Variants in NSRP1 observed in about 807,000 individuals in gnomAD.
NSRP1 encodes the protein nuclear speckle splicing regulatory protein 1.
In NSRP1, 24 loss-of-function variants were observed where a neutral mutation model predicts 54.7. The observed-to-expected ratio is 0.44, with a 90% CI of 0.32 to 0.62. The LOEUF is 0.62. NSRP1 is among the 20% of genes least tolerant of loss of function. NSRP1 has a pLI of 0.06. For missense variants in NSRP1, 596 were observed against 651.2 expected (o/e 0.92, Z 0.92); for synonymous variants, 210 against 213.8 (o/e 0.98, Z 0.15).
chr17:30,136,129 C>T (rs940061198), intron 2 of NSRP1, among the ~76,000 whole-genome samples: 1 of 152,062 alleles, frequency 6.6e-6, no homozygotes, highest in Non-Finnish European at 1.5e-5. Context: ...AGGAGAATTG[C>T]TTGAAACTGG....
chr17:30,185,393 T>C lies in NSRP1; in HGVS notation c.1396T>C (p.Phe466Leu), dbSNP rs1356541985. 6 of 1,611,860 alleles carry C rather than the reference T, an allele frequency of 3.7e-6. No individual in the cohort carries two copies. Among genetic ancestry groups the C allele is most frequent in the Non-Finnish European group, 5.1e-6 (6 of 1,179,554 alleles). ...CCCAAATTCTAGGGCAAAGGATAAA[T>C]TTCTTGACCAAGAAAGATCCAACAA... is the stretch of plus-strand genomic sequence containing the variant. ...SSPNSRAKDK[F>L]LDQERSNKMR... Residue 466 changes from phenylalanine to leucine, a missense_variant, in exon 7 of 7, where the codon TTT becomes CTT. Physicochemically the swap from Phe to Leu is conservative, Grantham distance 22. Coordinates refer to ENST00000247026, the MANE Select transcript of NSRP1 (RefSeq NM_032141.4).
At chr17:30,120,374 A>G (rs2071586039) in intron 2 of NSRP1, among the ~76,000 whole-genome samples, 3 of 152,194 alleles carry the variant, frequency 2.0e-5, no homozygotes, top group Admixed American at 2.0e-4. Context: ...GCCAACTAGA[A>G]TATTTTCAAA....
intron 3 of NSRP1, among the ~76,000 whole-genome samples, chr17:30,173,962 T>C (rs958945171): frequency 3.9e-5 from 6 of 152,238 alleles, no homozygotes; most frequent in African/African-American, 1.4e-4. Context: ...AATGATTTAA[T>C]ATACACATAA....
At chr17:30,138,431 A>G (rs1042253745) in intron 2 of NSRP1, among the ~76,000 whole-genome samples, 1 of 152,172 alleles carries the variant, frequency 6.6e-6, no homozygotes, top group African/African-American at 2.4e-5. Context: ...ATAAAATGGC[A>G]TAGTATTTGC....
chr17:30,153,031 AC>A (rs2071928587), intron 2 of NSRP1, among the ~76,000 whole-genome samples: 1 of 146,108 alleles, frequency 6.8e-6, no homozygotes, highest in South Asian at 2.1e-4. Flanking sequence ...CTCATGCCTC[AC>A]CTCTCCTCAG....
chr17:30,148,776 A>G (rs2071879909), intron 2 of NSRP1, among the ~76,000 whole-genome samples: 1 of 152,180 alleles, frequency 6.6e-6, no homozygotes, highest in Non-Finnish European at 1.5e-5. Context: ...TGGAATATGT[A>G]TCTGTTCTGC....
chr17:30,172,829 G>A (rs1047035981), intron 3 of NSRP1, among the ~76,000 whole-genome samples: 7 of 151,530 alleles, frequency 4.6e-5, no homozygotes, highest in African/African-American at 1.5e-4. Flanking sequence ...ATTCTTGCTA[G>A]TGAGCTTACT....
At chr17:30,131,681 C>G (rs1170577870) in intron 2 of NSRP1, among the ~76,000 whole-genome samples, 1 of 152,036 alleles carries the variant, frequency 6.6e-6, no homozygotes, top group East Asian at 1.9e-4. Flanking sequence ...GCTGACTGAT[C>G]AGGTGATGTT....
intron 2 of NSRP1, among the ~76,000 whole-genome samples, chr17:30,168,471 A>G (rs1200775234): frequency 6.6e-6 from 1 of 151,618 alleles, no homozygotes; most frequent in Non-Finnish European, 1.5e-5. Flanking sequence ...ATAGGCCACA[A>G]TACATGTGCC....
intron 2 of NSRP1, among the ~76,000 whole-genome samples, chr17:30,132,360 C>A (rs2071708416): frequency 6.6e-6 from 1 of 151,848 alleles, no homozygotes; most frequent in Non-Finnish European, 1.5e-5. Flanking sequence ...CAAGACCAGC[C>A]TGGCCAACAT....
chr17:30,162,325 C>G (rs1460812868), intron 2 of NSRP1, among the ~76,000 whole-genome samples: 2 of 152,158 alleles, frequency 1.3e-5, no homozygotes, highest in East Asian at 3.8e-4. Context: ...CCACTGCGCC[C>G]AGCCAGCCAT....
At chr17:30,164,348 C>G (rs547001927) in intron 2 of NSRP1, among the ~76,000 whole-genome samples, 8 of 152,294 alleles carry the variant, frequency 5.3e-5, no homozygotes, top group African/African-American at 1.9e-4. Context: ...AAGAACCTAT[C>G]TTGAAATATT....
chr17:30,185,789 T>A lies in NSRP1; in HGVS notation c.*115T>A. On this transcript the variant is annotated 3_prime_UTR_variant, in exon 7 of 7. Transcript: ENST00000247026. ...GTAGTTTGGAGGGCATTTTTAAATT[T>A]ATTTTCAAAATTTTAAGTTAAAAGT... The A allele has an allele frequency of 8.2e-7, 1 of 1,224,450 alleles. No homozygotes were observed. Among genetic ancestry groups the A allele is most frequent in the Non-Finnish European group, 1.1e-6 (1 of 894,288 alleles). 75.8% of individuals were successfully genotyped at this position (1,224,450 alleles called of 1,614,324 possible). A position where few individuals can be genotyped will look rare whatever the true frequency, so the allele number is the denominator to read the frequency against.
chr17:30,168,994 A>G (rs987288371), intron 2 of NSRP1: 3 of 152,064 alleles, frequency 2.0e-5, no homozygotes, highest in Non-Finnish European at 4.4e-5. Flanking sequence ...AGAATATGTA[A>G]AACTATTGCA....
At chr17:30,183,991 C>T (rs1251235043) in intron 6 of NSRP1, among the ~76,000 whole-genome samples, 10 of 152,178 alleles carry the variant, frequency 6.6e-5, no homozygotes, top group Admixed American at 6.5e-4. Flanking sequence ...CACCTGAGGT[C>T]AAGAGTTTGA....
chr17:30,156,024 G>A (rs1054966411), intron 2 of NSRP1, among the ~76,000 whole-genome samples: 6 of 151,920 alleles, frequency 3.9e-5, no homozygotes, highest in Middle Eastern at 3.4e-3. Context: ...ACTTTTAGTA[G>A]AGACAGGGTT....
intron 2 of NSRP1, among the ~76,000 whole-genome samples, chr17:30,128,473 G>C (rs921983300): frequency 6.6e-6 from 1 of 151,990 alleles, no homozygotes; most frequent in African/African-American, 2.4e-5. Flanking sequence ...AATTGCACTC[G>C]AATTTTTGTT....
intron 2 of NSRP1, among the ~76,000 whole-genome samples, chr17:30,159,826 T>C (rs1324067882): frequency 6.6e-6 from 1 of 151,906 alleles, no homozygotes; most frequent in East Asian, 1.9e-4. Context: ...GTCTGGCTAA[T>C]GTTTTTTGTA....
intron 2 of NSRP1, among the ~76,000 whole-genome samples, chr17:30,129,685 C>G (rs1490014428): frequency 6.6e-6 from 1 of 152,080 alleles, no homozygotes; most frequent in East Asian, 1.9e-4. Flanking sequence ...TATAGTACAT[C>G]CAAATCAATA....
Sources: gnomAD v4.1 joint callset for allele counts (sites outside exome capture counted in the v4.1 genomes callset) on GRCh38, gnomAD v4.1.1 for gene constraint, MANE v1.5 for transcripts, NCBI Gene and HGNC (gene_info 2026-07-23, HGNC 2026-07-21) for gene names.